Variants in RGS7 observed in about 807,000 individuals in gnomAD.
RGS7 encodes the protein regulator of G-protein signaling 7.
Under a neutral mutation model 81.1 loss-of-function variants are expected in RGS7, and 27 were observed. That is an observed-to-expected ratio of 0.33 (90% CI 0.25 to 0.46). RGS7 has a LOEUF of 0.46. RGS7 is among the 20% of genes least tolerant of loss of function. The pLI, the probability that RGS7 is intolerant of heterozygous loss-of-function variation, is 1.00. For synonymous variants in RGS7, 208 were observed against 207.7 expected (o/e 1.00, Z -0.01); for missense variants, 396 against 607.4 (o/e 0.65, Z 3.66).
chr1:241,052,460 G>A (rs148481064), intron 3 of RGS7, among the ~76,000 whole-genome samples: 3,210 of 152,188 alleles, frequency 0.021, 42 homozygotes, highest in Non-Finnish European at 0.033. Flanking sequence ...GGAAGGCACG[G>A]CCCATGCACA....
chr1:240,850,158 T>C (rs1372149547), intron 9 of RGS7, among the ~76,000 whole-genome samples: 4 of 152,244 alleles, frequency 2.6e-5, no homozygotes, highest in South Asian at 2.1e-4. Flanking sequence ...CTCTGATTTA[T>C]TGTTCTTCAC....
intron 2 of RGS7, among the ~76,000 whole-genome samples, chr1:241,145,981 G>T (rs183198210): frequency 6.6e-6 from 1 of 152,200 alleles, no homozygotes; most frequent in East Asian, 1.9e-4. Context: ...AGAAGCAATG[G>T]CATCTGAATC....
intron 9 of RGS7, among the ~76,000 whole-genome samples, chr1:240,864,258 T>C (rs1445599156): frequency 6.6e-6 from 1 of 152,194 alleles, no homozygotes; most frequent in African/African-American, 2.4e-5. Context: ...ATGATACCTT[T>C]CTATATTATA....
intron 14 of RGS7, among the ~76,000 whole-genome samples, chr1:240,810,383 C>T (rs545483673): frequency 6.6e-6 from 1 of 151,862 alleles, no homozygotes; most frequent in Admixed American, 6.6e-5. Flanking sequence ...GAGGAATGTC[C>T]ATCTCCCTAG....
intron 3 of RGS7, among the ~76,000 whole-genome samples, chr1:241,093,233 T>C (rs945810191): frequency 6.7e-6 from 1 of 150,012 alleles, no homozygotes; most frequent in Non-Finnish European, 1.5e-5. Context: ...TTCTTAAAGG[T>C]TTTTTTTTGT....
chr1:240,799,509 C>T, intron 18 of RGS7, among the ~76,000 whole-genome samples: 1 of 152,046 alleles, frequency 6.6e-6, no homozygotes, highest in Non-Finnish European at 1.5e-5. Context: ...TTATCTTTCC[C>T]TTGTACATCC....
At chr1:240,821,530 C>T (rs1021548770) in intron 10 of RGS7, among the ~76,000 whole-genome samples, 6 of 152,194 alleles carry the variant, frequency 3.9e-5, no homozygotes, top group Non-Finnish European at 7.3e-5. Flanking sequence ...ATACCCTTTA[C>T]TTGACACACT....
At chr1:241,174,895 G>GTTTTTTTTTTTTTTTTTTTTTTTTTT (rs551122102) in intron 2 of RGS7, among the ~76,000 whole-genome samples, 3 of 69,230 alleles carry the variant, frequency 4.3e-5, no homozygotes, top group Admixed American at 2.4e-4. Flanking sequence ...ACAGAATTTT[G>GTTTTTTTTTTTTTTTTTTTTTTTTTT]TTTTTTTTTT....
intron 5 of RGS7, among the ~76,000 whole-genome samples, chr1:240,933,627 A>G (rs1676086524): frequency 6.6e-6 from 1 of 152,008 alleles, no homozygotes; most frequent in African/African-American, 2.4e-5. Flanking sequence ...TCTACCATAC[A>G]TTAGGACATT....
At chr1:241,226,171 A>G (rs1280759836) in intron 2 of RGS7, among the ~76,000 whole-genome samples, 2 of 152,176 alleles carry the variant, frequency 1.3e-5, no homozygotes, top group Non-Finnish European at 2.9e-5. Flanking sequence ...CCAAAGAAAG[A>G]TGTTCTCCTA....
At chr1:240,921,670 C>T (rs931193100) in intron 6 of RGS7, among the ~76,000 whole-genome samples, 11 of 151,920 alleles carry the variant, frequency 7.2e-5, no homozygotes, top group African/African-American at 2.7e-4. Context: ...TTTATGTAAG[C>T]AGCAAAACTT....
chr1:241,311,749 A>G (rs1024575671), intron 2 of RGS7, among the ~76,000 whole-genome samples: 2 of 152,218 alleles, frequency 1.3e-5, no homozygotes, highest in African/African-American at 4.8e-5. Flanking sequence ...TAAGATATCA[A>G]TTGTGTTGGA....
chr1:241,145,999 T>C lies in RGS7; in HGVS notation c.79-47237A>G, dbSNP rs530273565. Among the ~76,000 whole-genome samples the C allele has an allele frequency of 1.2e-4, 19 of 152,222 alleles. 1 individual carries two copies. The South Asian group carries it at 2.7e-3, about 22-fold the overall frequency. ...AGCAATGGCATCTGAATCTCAAAGT[T>C]TGGAAAAAATAAACCGTTTTTTATC... On this transcript the variant is annotated intron_variant, in intron 2 of 18. Transcript: ENST00000440928.
At chr1:241,236,868 A>G (rs566057949) in intron 2 of RGS7, among the ~76,000 whole-genome samples, 1 of 152,358 alleles carries the variant, frequency 6.6e-6, no homozygotes, top group Admixed American at 6.5e-5. Flanking sequence ...CAATGTGTGT[A>G]CATTCTAGGA....
At chr1:241,260,974 A>T (rs978324229) in intron 2 of RGS7, among the ~76,000 whole-genome samples, 25 of 151,628 alleles carry the variant, frequency 1.6e-4, no homozygotes, top group African/African-American at 5.6e-4. Flanking sequence ...CTAATGCTAG[A>T]TGACGAGTTA....
chr1:240,875,334 C>A (rs978743621), intron 6 of RGS7, among the ~76,000 whole-genome samples: 4 of 152,098 alleles, frequency 2.6e-5, no homozygotes, highest in African/African-American at 4.8e-5. Flanking sequence ...GTCCTCCAGG[C>A]GCATCATGTT....
intron 2 of RGS7, among the ~76,000 whole-genome samples, chr1:241,192,159 G>GGTGTGTGTGTGTGTGTGTGTGTGT (rs58714151): frequency 1.1e-4 from 14 of 122,010 alleles, no homozygotes; most frequent in Admixed American, 5.0e-4. Flanking sequence ...AGAGAAAACA[G>GGTGTGTGTGTGTGTGTGTGTGTGT]GTGTGTGTGT....
At chr1:241,099,996 T>A (rs998812067) in intron 2 of RGS7, among the ~76,000 whole-genome samples, 9 of 150,714 alleles carry the variant, frequency 6.0e-5, no homozygotes, top group Non-Finnish European at 1.0e-4. Flanking sequence ...AATTCTGTTA[T>A]CTTTTCTTTT....
chr1:240,802,955 T>C lies in RGS7; in HGVS notation c.1308A>G (p.Pro436=). The C allele has an allele frequency of 1.2e-6, 2 of 1,612,376 alleles. No homozygotes were observed. The change falls in exon 16 of 19, where the codon CCA becomes CCG. Residue 436 remains proline, a synonymous_variant. Coordinates refer to ENST00000440928, the MANE Select transcript of RGS7 (RefSeq NM_001364886.1). ...IYKLMKSDSY[P]RFIRSSAYQE... is the part of the protein sequence containing the mutation. ...GATAGGCACTGGATCTTATAAAACG[T>C]GGGTATGAATCACTTTTCATCAGTT...
Sources: allele counts gnomAD v4.1 joint callset (sites outside exome capture counted in the v4.1 genomes callset), GRCh38; gene constraint gnomAD v4.1.1; transcripts MANE v1.5; gene names NCBI Gene and HGNC (gene_info 2026-07-23, HGNC 2026-07-21).